The following TERF2IP variants were observed in gnomAD, a reference collection of about 807,000 sequenced individuals.
TERF2IP encodes TERF2 interacting protein.
TERF2IP carries 35 observed loss-of-function variants against 33.3 expected under a neutral mutation model. That is an observed-to-expected ratio of 1.05 (90% CI 0.80 to 1.39). The LOEUF is 1.39. Among genes scored for constraint, TERF2IP ranks in the 40% most tolerant of loss-of-function variants. The probability of loss-of-function intolerance (pLI) is 0.00; values close to 1 mark genes in which losing one functional copy is unlikely to be tolerated. For missense variants in TERF2IP, 583 were observed against 524.8 expected, an observed-to-expected ratio of 1.11 and a Z score of -1.08; for synonymous variants, 253 against 223.2, an observed-to-expected ratio of 1.13 and a Z score of -1.19.
At chr16:75,654,435 C>G in intron 2 of TERF2IP, 38 bp downstream of exon 2, 1 of 1,597,524 alleles carries the variant, frequency 6.3e-7, no homozygotes, top group South Asian at 1.1e-5. Context: ...TTTTTCCCTA[C>G]CTTCATTCTT....
chr16:75,654,003 C>A (rs1279251455), intron 1 of TERF2IP, among the ~76,000 whole-genome samples: 1 of 152,152 alleles, frequency 6.6e-6, no homozygotes, highest in East Asian at 1.9e-4. Context: ...ATGAATTAAA[C>A]TTGAGCATTT....
chr16:75,648,620 G>A, intron 1 of TERF2IP, 68 bp downstream of exon 1: 1 of 1,451,120 alleles, frequency 6.9e-7, no homozygotes, highest in Non-Finnish European at 9.1e-7. Context: ...TCTCCTGGCT[G>A]CCTGGCGTCC....
At chr16:75,656,005 G>GCACACACACA (rs375526943) in intron 2 of TERF2IP, among the ~76,000 whole-genome samples, 1 of 151,390 alleles carries the variant, frequency 6.6e-6, no homozygotes, top group African/African-American at 2.4e-5. Context: ...ACACACACGC[G>GCACACACACA]CACACACACA....
At chr16:75,654,249 C>T in intron 1 of TERF2IP, 24 bp from the exon 2 acceptor site, 1 of 1,566,804 alleles carries the variant, frequency 6.4e-7, no homozygotes, top group South Asian at 1.1e-5. Flanking sequence ...TATTGCTAAT[C>T]TGTGCTGTTC....
chr16:75,650,525 T>A lies in TERF2IP; in HGVS notation c.670+1973T>A, dbSNP rs560681339. ...TCATGTATGGCCTTGCTTTTATTTT[T>A]ATTTTATTTTAATTTTATTATATAT... On this transcript the variant is annotated intron_variant, in intron 1 of 2. Coordinates refer to ENST00000300086, the MANE Select transcript of TERF2IP (RefSeq NM_018975.4). Among the ~76,000 whole-genome samples the A allele has an allele frequency of 1.2e-4, 18 of 152,270 alleles. No homozygotes were observed. In the South Asian group the frequency reaches 2.1e-3, roughly 18 times the overall value.
At position 75,648,524 on chromosome 16, in the gene TERF2IP, G is replaced by C; in HGVS notation, c.642G>C (p.Glu214Asp). The change falls in exon 1 of 3, where the codon GAG (glutamate) becomes GAC (aspartate). Residue 214 changes from glutamate (E) to aspartate (D), a missense_variant. Physicochemically the swap from Glu to Asp is conservative, Grantham distance 45 (BLOSUM62 2). Coordinates refer to ENST00000300086, the MANE Select transcript of TERF2IP (RefSeq NM_018975.4). ...PSSQKLKRKA[E>D]EDPEAADSGE... ...CCCAGAAGCTCAAGCGGAAGGCGGA[G>C]GAGGACCCGGAGGCCGCGGATAGCG... The C allele has an allele frequency of 6.4e-7, 1 of 1,569,780 alleles. No individual in the cohort carries two copies. The highest frequency in any genetic ancestry group is 8.7e-7 in the Non-Finnish European group (1 of 1,155,528).
chr16:75,651,561 C>G (rs182490769), intron 1 of TERF2IP, among the ~76,000 whole-genome samples: 1 of 152,022 alleles, frequency 6.6e-6, no homozygotes, highest in Non-Finnish European at 1.5e-5. Context: ...TGGTGGCATG[C>G]GCCTGTAATC....
chr16:75,654,325 A>G lies in TERF2IP; in HGVS notation c.723A>G (p.Glu241=), dbSNP rs1326310513. ...TGCCTGAAGAAGAGTATGTGAAGGA[A>G]GAAATCCAGGAGAATGAAGAAGCAG... ...PDLPEEEYVK[E]EIQENEEAVK... The change falls in exon 2 of 3, where the codon GAA becomes GAG. Residue 241 remains glutamate (E), a synonymous_variant. Coordinates refer to ENST00000300086, the MANE Select transcript of TERF2IP (RefSeq NM_018975.4). 9.9e-6 allele frequency: 16 copies of G among 1,613,944 alleles called. No individual in the cohort carries two copies. Among genetic ancestry groups the G allele is most frequent in the African/African-American group, 1.3e-5 (1 of 74,932 alleles).
At position 75,648,564 on chromosome 16, in the gene TERF2IP, G is replaced by T. The variant is rs746178687; in HGVS notation, c.670+12G>T. 13 of 1,530,636 alleles carry T rather than the reference G, an allele frequency of 8.5e-6. 1 individual carries two copies. The highest frequency in any genetic ancestry group is 4.0e-5 in the Admixed American group (2 of 49,454). 94.8% of individuals were successfully genotyped at this position (1,530,636 alleles called of 1,614,324 possible). ...CGCGGATAGCGGGGGTGAGGAGGCT[G>T]AGCGCGGGGCCTCGCGGATATCTGC... On this transcript the variant is annotated intron_variant, in intron 1 of 2. Coordinates refer to ENST00000300086, the MANE Select transcript of TERF2IP (RefSeq NM_018975.4).
Position 75,654,291 on chromosome 16 carries a change from C to T in TERF2IP, c.689C>T (p.Thr230Ile), listed in dbSNP as rs770669001. ...TTAACAGAACCACAGAATAAGAGAA[C>T]TCCAGATTTGCCTGAAGAAGAGTAT... ...ADSGEPQNKR[T>I]PDLPEEEYVK... is the part of the protein sequence containing the mutation. Residue 230 changes from threonine (T) to isoleucine (I), a missense_variant, in exon 2 of 3, where the codon ACT (threonine) becomes ATT (isoleucine). Transcript: ENST00000300086. 1 of 1,612,684 alleles carries T rather than the reference C, an allele frequency of 6.2e-7. No individual in the cohort carries two copies. The highest frequency in any genetic ancestry group is 8.5e-7 in the Non-Finnish European group (1 of 1,179,240).
At chr16:75,655,848 CAT>C (rs1491471187) in intron 2 of TERF2IP, among the ~76,000 whole-genome samples, 1 of 152,258 alleles carries the variant, frequency 6.6e-6, no homozygotes, top group Admixed American at 6.5e-5. Flanking sequence ...ATCTAATGAA[CAT>C]GTGTGCACAT....
Position 75,648,474 on chromosome 16 carries a change from G to C in TERF2IP, c.592G>C (p.Gly198Arg). The C allele has an allele frequency of 6.3e-7, 1 of 1,595,158 alleles. No individual in the cohort carries two copies. The highest frequency in any genetic ancestry group is 8.5e-7 in the Non-Finnish European group (1 of 1,171,584). The stretch of plus-strand genomic sequence containing the variant: ...GGGCCAGGAGCATAAGTACCTGCTG[G>C]GGGACGCGCCGGTGAGCCCCTCCTC... The part of the protein sequence containing the change: ...LRGQEHKYLL[G>R]DAPVSPSSQK... The change falls in exon 1 of 3, where the codon GGG becomes CGG. Residue 198 changes from glycine (G) to arginine (R), a missense_variant. Transcript: ENST00000300086.
In TERF2IP at chr16:75,654,341, G is replaced by T; in HGVS notation, c.739G>T (p.Glu247Ter). 6.2e-7 allele frequency: 1 copy of T among 1,613,960 alleles called. No homozygotes were observed. The highest frequency in any genetic ancestry group is 1.1e-5 in the South Asian group (1 of 91,078). ...TGTGAAGGAAGAAATCCAGGAGAAT[G>T]AAGAAGCAGTCAAAAAGATGCTTGT... ...EYVKEEIQEN[E>*]EAVKKMLVEA... is the part of the protein sequence containing the mutation. The change falls in exon 2 of 3, where the codon GAA becomes TAA. Residue 247 changes from glutamate to a stop codon, truncating the protein, a stop_gained. Coordinates refer to ENST00000300086, the MANE Select transcript of TERF2IP (RefSeq NM_018975.4). LOFTEE classifies it high-confidence loss of function.
At chr16:75,650,979 A>G (rs979994676) in intron 1 of TERF2IP, among the ~76,000 whole-genome samples, 1 of 152,228 alleles carries the variant, frequency 6.6e-6, no homozygotes, top group African/African-American at 2.4e-5. Flanking sequence ...AAAAAATTCT[A>G]AAATGAGTAA....
chr16:75,654,178 A>G lies in TERF2IP; in HGVS notation c.671-95A>G. Reference sequence around the variant, plus strand: ...AAAAAAAAAAAAAAAAAAAAAGTGCAGGCTCACTCCTGGCCCAGAGCTCAC... The same window carrying G: ...AAAAAAAAAAAAAAAAAAAAAGTGCGGGCTCACTCCTGGCCCAGAGCTCAC... On this transcript the variant is annotated intron_variant, in intron 1 of 2. Transcript: ENST00000300086. The G allele has an allele frequency of 3.0e-6, 2 of 670,414 alleles. 1 individual carries two copies. Among genetic ancestry groups the G allele is most frequent in the African/African-American group, 3.9e-5 (2 of 51,136 alleles). 41.5% of individuals were successfully genotyped at this position (670,414 alleles called of 1,614,324 possible). A position where few individuals can be genotyped will look rare whatever the true frequency, so the allele number is the denominator to read the frequency against.
intron 1 of TERF2IP, among the ~76,000 whole-genome samples, chr16:75,650,737 G>A (rs1300275500): frequency 2.0e-5 from 3 of 152,030 alleles, no homozygotes; most frequent in East Asian, 3.9e-4. Flanking sequence ...GGATTTGGCC[G>A]TGTTGCCCAG....
chr16:75,654,422 A>AT, intron 2 of TERF2IP, 25 bp downstream of exon 2: 4 of 1,604,244 alleles, frequency 2.5e-6, no homozygotes, highest in East Asian at 2.2e-5. Context: ...TTTACTCATT[A>AT]TTTTTTTCCC....
chr16:75,647,938 C>A lies in TERF2IP; in HGVS notation c.56C>A (p.Thr19Asn), dbSNP rs1359683249. The part of the protein sequence containing the change: ...KDPNGPTHSS[T>N]LFVRDDGSSM... ...CCCAACGGGCCCACCCATTCCTCGA[C>A]TCTGTTCGTGAGGGACGACGGCAGC... The change falls in exon 1 of 3, where the codon ACT (threonine) becomes AAT (asparagine). Residue 19 changes from threonine (T) to asparagine (N), a missense_variant. Coordinates refer to ENST00000300086, the MANE Select transcript of TERF2IP (RefSeq NM_018975.4). 1.9e-6 allele frequency: 3 copies of A among 1,613,186 alleles called. No individual in the cohort carries two copies. The highest frequency in any genetic ancestry group is 2.7e-5 in the African/African-American group (2 of 74,926).
At chr16:75,648,750 GGT>G in intron 1 of TERF2IP, 198 bp downstream of exon 1, 2 of 1,403,448 alleles carry the variant, frequency 1.4e-6, no homozygotes, top group Non-Finnish European at 1.9e-6. Context: ...TTTTGCGATG[GGT>G]CTCTGTTACC....
Sources: gnomAD v4.1 joint callset for allele counts (sites outside exome capture counted in the v4.1 genomes callset) on GRCh38, gnomAD v4.1.1 for gene constraint, MANE v1.5 for transcripts, NCBI Gene and HGNC (gene_info 2026-07-23, HGNC 2026-07-21) for gene names.